Variants in MLLT3 observed in about 807,000 individuals in gnomAD.
MLLT3 encodes the protein protein AF-9.
MLLT3 carries 4 observed loss-of-function variants against 53.2 expected under a neutral mutation model. The ratio of observed to expected loss-of-function variants is 0.08; its 90% CI spans 0.04 to 0.17. MLLT3 has a LOEUF of 0.17. MLLT3 is among the 10% of genes least tolerant of loss of function. The pLI is 1.00. For missense variants in MLLT3, 569 were observed against 684.0 expected (o/e 0.83, Z 1.87); for synonymous variants, 283 against 230.6 (o/e 1.23, Z -2.06).
At chr9:20,556,729 CAA>C (rs1819067146) in intron 2 of MLLT3, among the ~76,000 whole-genome samples, 1 of 151,738 alleles carries the variant, frequency 6.6e-6, no homozygotes, top group East Asian at 1.9e-4. Flanking sequence ...AATAAGATAA[CAA>C]AAGAGTTCAA....
chr9:20,532,707 T>G (rs373763146), intron 2 of MLLT3: 1 of 258,262 alleles, frequency 3.9e-6, no homozygotes. Flanking sequence ...GGGACTTAAC[T>G]CGCTTTGTGA....
At chr9:20,565,990 ATATATTTATTTATATATATATTTT>A (rs1366400387) in intron 2 of MLLT3, among the ~76,000 whole-genome samples, 2 of 127,798 alleles carry the variant, frequency 1.6e-5, no homozygotes, top group African/African-American at 6.0e-5. Context: ...ATATTTATTT[ATATATTTATTTATATATATATTTT>A]TATATATATT....
intron 2 of MLLT3, among the ~76,000 whole-genome samples, chr9:20,569,138 C>T (rs1819459217): frequency 6.6e-6 from 1 of 152,110 alleles, no homozygotes; most frequent in Non-Finnish European, 1.5e-5. Context: ...AAAAGGAATA[C>T]ATCAAGAAGA....
chr9:20,529,789 C>G (rs1818286415), intron 2 of MLLT3, among the ~76,000 whole-genome samples: 1 of 123,878 alleles, frequency 8.1e-6, no homozygotes, highest in South Asian at 2.6e-4. Flanking sequence ...AGGCTGGTCT[C>G]TAACGCCTGG....
intron 2 of MLLT3, among the ~76,000 whole-genome samples, chr9:20,559,216 A>G (rs754535423): frequency 3.3e-5 from 5 of 152,254 alleles, no homozygotes; most frequent in Non-Finnish European, 5.9e-5. Context: ...AAATACTGAT[A>G]TAAGTATTTT....
intron 5 of MLLT3, among the ~76,000 whole-genome samples, chr9:20,381,723 T>C (rs1821913171): frequency 6.6e-6 from 1 of 151,966 alleles, no homozygotes; most frequent in South Asian, 2.1e-4. Flanking sequence ...GATACTCTGT[T>C]ATTTTTCTGG....
At chr9:20,440,799 T>C (rs1239613537) in intron 4 of MLLT3, among the ~76,000 whole-genome samples, 4 of 152,162 alleles carry the variant, frequency 2.6e-5, no homozygotes, top group Non-Finnish European at 5.9e-5. Context: ...TCACATCCTT[T>C]CATATTTTTC....
chr9:20,500,711 C>T (rs1825201406), intron 2 of MLLT3, among the ~76,000 whole-genome samples: 1 of 152,166 alleles, frequency 6.6e-6, no homozygotes, highest in South Asian at 2.1e-4. Context: ...ATACTGTTTT[C>T]CATCTTGTCT....
At chr9:20,380,708 G>A (rs1368908023) in intron 5 of MLLT3, among the ~76,000 whole-genome samples, 1 of 151,942 alleles carries the variant, frequency 6.6e-6, no homozygotes, top group Admixed American at 6.6e-5. Context: ...AGAAAACACA[G>A]ACCGTTCTTT....
chr9:20,450,676 A>G (rs748155384), intron 3 of MLLT3, among the ~76,000 whole-genome samples: 64 of 152,300 alleles, frequency 4.2e-4, no homozygotes, highest in Non-Finnish European at 7.2e-4. Context: ...GACCCAGCTA[A>G]AGCATTAATT....
At chr9:20,390,329 T>C (rs1455100123) in intron 5 of MLLT3, among the ~76,000 whole-genome samples, 3 of 152,074 alleles carry the variant, frequency 2.0e-5, no homozygotes, top group Non-Finnish European at 2.9e-5. Flanking sequence ...TTACATAGAA[T>C]GAGATCTACT....
Position 20,532,640 on chromosome 9 carries a change from T to A in MLLT3, c.194-75854A>T, listed in dbSNP as rs1384440957. The A allele has an allele frequency of 1.1e-5, 3 of 262,182 alleles. No individual in the cohort carries two copies. In the Admixed American group the frequency reaches 1.3e-4, roughly 11 times the overall value. 16.2% of individuals were successfully genotyped at this position (262,182 alleles called of 1,614,324 possible). A position where few individuals can be genotyped will look rare whatever the true frequency, so the allele number is the denominator to read the frequency against. On this transcript the variant is annotated intron_variant, in intron 2 of 10. Coordinates refer to ENST00000380338, the MANE Select transcript of MLLT3 (RefSeq NM_004529.4). ...CAGGAGGCCAAGAAAGTGGTAAATCTCCTGTTTGAGAAAAGGCCTAAGAAT... is the reference window on the plus strand; with the variant it reads ...CAGGAGGCCAAGAAAGTGGTAAATCACCTGTTTGAGAAAAGGCCTAAGAAT...
intron 4 of MLLT3, 127 bp downstream of exon 4, chr9:20,447,996 A>G: frequency 1.1e-6 from 1 of 932,360 alleles, no homozygotes; most frequent in Non-Finnish European, 1.6e-6. Flanking sequence ...CCATTAAGGT[A>G]CATCATTTCT....
chr9:20,520,473 A>C (rs1818030396), intron 2 of MLLT3, among the ~76,000 whole-genome samples: 1 of 152,200 alleles, frequency 6.6e-6, no homozygotes, highest in African/African-American at 2.4e-5. Flanking sequence ...TGTACCAGCT[A>C]AGTTCCATCC....
intron 4 of MLLT3, among the ~76,000 whole-genome samples, chr9:20,418,833 G>A (rs1822939696): frequency 6.6e-6 from 1 of 152,154 alleles, no homozygotes; most frequent in Non-Finnish European, 1.5e-5. Context: ...CCAGCACTCA[G>A]AAGGCACTTG....
chr9:20,597,474 T>C (rs1223815801), intron 2 of MLLT3, among the ~76,000 whole-genome samples: 2 of 152,162 alleles, frequency 1.3e-5, no homozygotes, highest in Non-Finnish European at 2.9e-5. Flanking sequence ...AAAATCTGAA[T>C]AAGATTTCCT....
intron 5 of MLLT3, among the ~76,000 whole-genome samples, chr9:20,399,140 C>A (rs1402142786): frequency 6.6e-6 from 1 of 152,070 alleles, no homozygotes; most frequent in Non-Finnish European, 1.5e-5. Flanking sequence ...CTGAGAGGGC[C>A]AAGACTTGTC....
Position 20,414,309 on chromosome 9 carries a change from G to GCTA in MLLT3, c.534_536dup (p.Ser190dup). The GCTA allele has an allele frequency of 6.2e-7, 1 of 1,608,132 alleles. No individual in the cohort carries two copies. Among genetic ancestry groups the GCTA allele is most frequent in the East Asian group, 2.2e-5 (1 of 44,692 alleles). ...TGCTGCTGCTGCTGCTACTGCTGCT[G>GCTA]CTACTGCTGCTGCTGCTGCTGCTGC... On this transcript the variant is annotated inframe_insertion, in exon 5 of 11. Transcript: ENST00000380338.
At chr9:20,444,639 G>A (rs548622933) in intron 4 of MLLT3, among the ~76,000 whole-genome samples, 5 of 152,200 alleles carry the variant, frequency 3.3e-5, no homozygotes, top group Admixed American at 6.5e-5. Context: ...TTAGGAGGCC[G>A]AGGGGGGCTG....
Sources: gnomAD v4.1 joint callset for allele counts (sites outside exome capture counted in the v4.1 genomes callset) on GRCh38, gnomAD v4.1.1 for gene constraint, MANE v1.5 for transcripts, NCBI Gene and HGNC (gene_info 2026-07-23, HGNC 2026-07-21) for gene names.